ADK: variants seen among roughly 807,000 people sequenced by gnomAD.
The protein encoded by ADK is adenosine kinase.
A neutral mutation model predicts 44.7 loss-of-function variants in ADK; 24 were observed. The observed-to-expected ratio is 0.54, with a 90% CI of 0.39 to 0.76. ADK has a LOEUF of 0.76. ADK is among the 30% of genes least tolerant of loss of function. ADK has a pLI of 0.00. For synonymous variants in ADK, 128 were observed against 142.6 expected, an observed-to-expected ratio of 0.90 and a Z score of 0.73; for missense variants, 321 against 425.1, an observed-to-expected ratio of 0.76 and a Z score of 2.15.
At chr10:74,448,916 G>A (rs1043628744) in intron 6 of ADK, among the ~76,000 whole-genome samples, 1 of 151,504 alleles carries the variant, frequency 6.6e-6, no homozygotes, top group African/African-American at 2.4e-5. Flanking sequence ...AAATTAAAAA[G>A]CAGAGGCACA....
rs1239202370 is a variant in ADK, at chr10:74,347,068, C to T, written c.273+32323C>T. ...CTTGCAATGAGCAGAGATCGCACCA[C>T]TGCACTCCAGCCTGGGCGACAGAGC... On this transcript the variant is annotated intron_variant, in intron 4 of 10. Coordinates refer to ENST00000539909, the MANE Select transcript of ADK (RefSeq NM_006721.4). Among the ~76,000 whole-genome samples, 4 of 137,008 alleles carry T rather than the reference C, an allele frequency of 2.9e-5. No individual in the cohort carries two copies. The Admixed American group carries it at 3.1e-4, about 11-fold the overall frequency. 89.9% of individuals were successfully genotyped at this position (137,008 alleles called of 152,430 possible).
chr10:74,499,532 CA>C (rs1847816504), intron 6 of ADK, among the ~76,000 whole-genome samples: 1 of 151,882 alleles, frequency 6.6e-6, no homozygotes, highest in African/African-American at 2.4e-5. Flanking sequence ...ACTAAAAATA[CA>C]AAAAATTAGC....
At chr10:74,536,994 A>G (rs1345779328) in intron 7 of ADK, among the ~76,000 whole-genome samples, 1 of 152,104 alleles carries the variant, frequency 6.6e-6, no homozygotes, top group East Asian at 1.9e-4. Flanking sequence ...CCTGCTTTTA[A>G]CTCTTTTGGA....
chr10:74,222,062 G>C (rs1268528590), intron 2 of ADK, among the ~76,000 whole-genome samples: 1 of 152,148 alleles, frequency 6.6e-6, no homozygotes, highest in Non-Finnish European at 1.5e-5. Context: ...ACTACCATCA[G>C]AGTGAACAGG....
chr10:74,660,985 T>C (rs888246745), intron 9 of ADK, among the ~76,000 whole-genome samples: 2 of 151,958 alleles, frequency 1.3e-5, no homozygotes, highest in African/African-American at 2.4e-5. Context: ...TGAGCTGAGA[T>C]TGTGTAACTG....
At chr10:74,582,098 G>A (rs559683615) in intron 7 of ADK, among the ~76,000 whole-genome samples, 2 of 152,114 alleles carry the variant, frequency 1.3e-5, no homozygotes, top group South Asian at 2.1e-4. Flanking sequence ...TACCAACCAC[G>A]TATTATCTCA....
chr10:74,625,570 G>A (rs1046221020), intron 9 of ADK, among the ~76,000 whole-genome samples: 1 of 152,068 alleles, frequency 6.6e-6, no homozygotes, highest in Non-Finnish European at 1.5e-5. Flanking sequence ...CTGTTTCAGA[G>A]GGATCAACAA....
At chr10:74,667,531 T>C (rs1363866128) in intron 9 of ADK, among the ~76,000 whole-genome samples, 1 of 85,164 alleles carries the variant, frequency 1.2e-5, no homozygotes, top group Admixed American at 1.3e-4. Flanking sequence ...TAAGTCATGA[T>C]TTTTTTTTTT....
intron 6 of ADK, among the ~76,000 whole-genome samples, chr10:74,436,972 T>C (rs1845198175): frequency 6.6e-6 from 1 of 151,710 alleles, no homozygotes. Context: ...TCTTAAGGAA[T>C]CCACTAAGAA....
rs1342026473 is a variant in ADK, at chr10:74,569,170, C to A, written c.727-20112C>A. Among the ~76,000 whole-genome samples the A allele has an allele frequency of 8.5e-5, 13 of 152,124 alleles. 1 individual carries two copies. Among genetic ancestry groups the A allele is most frequent in the Non-Finnish European group, 1.3e-4 (9 of 68,024 alleles). On this transcript the variant is annotated intron_variant, in intron 7 of 10. Coordinates refer to ENST00000539909, the MANE Select transcript of ADK (RefSeq NM_006721.4). ...ATGTGCCACGTTTTCTTAATCCAGT[C>A]TATCATTGTTGGACATTTGGGTTGG...
At chr10:74,508,356 G>T (rs574428159) in intron 6 of ADK, 1 of 152,252 alleles carries the variant, frequency 6.6e-6, no homozygotes, top group African/African-American at 2.4e-5. Context: ...ACTAACAGTT[G>T]TAACATAAAA....
chr10:74,628,320 G>A (rs892528560), intron 9 of ADK, among the ~76,000 whole-genome samples: 6 of 152,026 alleles, frequency 3.9e-5, no homozygotes, highest in Admixed American at 6.5e-5. Context: ...TGCCAGTCAC[G>A]ATTCTTGGAT....
At chr10:74,577,938 G>A (rs1851251973) in intron 7 of ADK, among the ~76,000 whole-genome samples, 1 of 152,056 alleles carries the variant, frequency 6.6e-6, no homozygotes, top group East Asian at 1.9e-4. Context: ...TGTGTTTTAT[G>A]TAGAGTTTCC....
At chr10:74,462,782 C>T (rs1238891260) in intron 6 of ADK, among the ~76,000 whole-genome samples, 1 of 152,134 alleles carries the variant, frequency 6.6e-6, no homozygotes, top group Non-Finnish European at 1.5e-5. Flanking sequence ...AACAGTTACC[C>T]TCTGGAATGA....
Position 74,528,739 on chromosome 10 carries a change from T to C in ADK, c.726+3313T>C, listed in dbSNP as rs947291023. On this transcript the variant is annotated intron_variant, in intron 7 of 10. Coordinates refer to ENST00000539909, the MANE Select transcript of ADK (RefSeq NM_006721.4). ...TTAATAAACATTTATTCGAAGAAGATATACAGATGGCCAGTAAACACATGA... is the reference window on the plus strand; with the variant it reads ...TTAATAAACATTTATTCGAAGAAGACATACAGATGGCCAGTAAACACATGA... 7.6e-4 allele frequency among the ~76,000 whole-genome samples: 116 copies of C among 152,264 alleles called. 1 individual carries two copies. Among genetic ancestry groups the C allele is most frequent in the Admixed American group, 6.0e-3 (91 of 15,292 alleles).
At chr10:74,456,490 TG>T (rs547652227) in intron 6 of ADK, among the ~76,000 whole-genome samples, 98 of 151,664 alleles carry the variant, frequency 6.5e-4, no homozygotes, top group African/African-American at 2.1e-3. Context: ...CTGGCTAACA[TG>T]GTGAAACTCT....
At chr10:74,607,508 A>G (rs1382842400) in intron 9 of ADK, among the ~76,000 whole-genome samples, 1 of 152,172 alleles carries the variant, frequency 6.6e-6, no homozygotes, top group African/African-American at 2.4e-5. Context: ...GTGGCTGGAT[A>G]TGAAATTCTG....
chr10:74,270,064 G>A (rs925842531), intron 3 of ADK, among the ~76,000 whole-genome samples: 1 of 152,130 alleles, frequency 6.6e-6, no homozygotes, highest in Admixed American at 6.6e-5. Flanking sequence ...ATATTAGTCC[G>A]ATGGTAATTA....
In ADK at chr10:74,610,497, T is replaced by C. The variant is rs1367604258; in HGVS notation, c.877+10004T>C. On this transcript the variant is annotated intron_variant, in intron 9 of 10. Coordinates refer to ENST00000539909, the MANE Select transcript of ADK (RefSeq NM_006721.4). Reference sequence around the variant, plus strand: ...AAGTTGTAAAGATGGGTAGTGATAATTGCACAATAATATGAATGTACAATG... The same window carrying C: ...AAGTTGTAAAGATGGGTAGTGATAACTGCACAATAATATGAATGTACAATG... 2.6e-5 allele frequency among the ~76,000 whole-genome samples: 4 copies of C among 152,160 alleles called. 1 individual carries two copies. The highest frequency in any genetic ancestry group is 4.4e-5 in the Non-Finnish European group (3 of 68,034).
Sources: allele counts gnomAD v4.1 joint callset (sites outside exome capture counted in the v4.1 genomes callset), GRCh38; gene constraint gnomAD v4.1.1; transcripts MANE v1.5; gene names NCBI Gene and HGNC (gene_info 2026-07-23, HGNC 2026-07-21).